Variants in MYO15A observed in about 807,000 individuals in gnomAD.
MYO15A encodes myosin XVA, also known as unconventional myosin-XV.
A neutral mutation model predicts 394.6 loss-of-function variants in MYO15A; 308 were observed. The observed-to-expected ratio is 0.78, with a 90% CI of 0.71 to 0.86. The LOEUF (loss-of-function observed/expected upper bound fraction) is 0.86, where lower values mean the gene tolerates loss of function less well. Among genes scored for constraint, MYO15A ranks in the 40% least tolerant of loss-of-function variants. MYO15A has a pLI of 0.00. For missense variants in MYO15A, 4,606 were observed against 4,799.1 expected (o/e 0.96, Z 1.19); for synonymous variants, 1,957 against 2,003.8 (o/e 0.98, Z 0.62).
At position 18,120,954 on chromosome 17, in the gene MYO15A, G is replaced by A. The variant is rs1455516797; in HGVS notation, c.2154G>A (p.Trp718Ter). The change falls in exon 2 of 66, where the codon TGG becomes TGA. Residue 718 changes from tryptophan to a stop codon, truncating the protein, a stop_gained. Coordinates refer to ENST00000647165, the MANE Select transcript of MYO15A (RefSeq NM_016239.4). LOFTEE classifies it high-confidence loss of function. ...TGCCACCGGCGCCGCAGGCCAGCTG[G>A]TGGGCCTTCGTGGAGCCCCCTGCCG... ...AHVPPAPQAS[W>*]WAFVEPPAVS... 6.7e-7 allele frequency: 1 copy of A among 1,482,720 alleles called. No individual in the cohort carries two copies. The allele number at this position is 1,482,720 out of a possible 1,614,324, so 91.8% of individuals were successfully genotyped here.
rs773780898 is a variant in MYO15A at position 18,119,979 on chromosome 17, C to T, written c.1179C>T (p.Tyr393=). The part of the protein sequence containing the change: ...GVYGGGDEAI[Y]PPEVPYFYPE... ...ATGGCGGTGGGGACGAGGCCATCTACCCCCCCGAGGTGCCCTATTTTTACC... is the reference window on the plus strand; with the variant it reads ...ATGGCGGTGGGGACGAGGCCATCTATCCCCCCGAGGTGCCCTATTTTTACC... Residue 393 remains tyrosine (Y), a synonymous_variant, in exon 2 of 66, where the codon TAC becomes TAT. Transcript: ENST00000647165. 3 of 1,613,566 alleles carry T rather than the reference C, an allele frequency of 1.9e-6. No homozygotes were observed. Among genetic ancestry groups the T allele is most frequent in the African/African-American group, 1.3e-5 (1 of 74,914 alleles).
intron 18 of MYO15A, 64 bp downstream of exon 18, chr17:18,139,000 G>C (rs1597789250): frequency 6.4e-7 from 1 of 1,573,466 alleles, no homozygotes; most frequent in East Asian, 2.3e-5. Context: ...TGGAGACACA[G>C]AAGCACAACA....
chr17:18,121,574 T>C lies in MYO15A; in HGVS notation c.2774T>C (p.Leu925Pro). The C allele has an allele frequency of 6.3e-7, 1 of 1,594,092 alleles. No homozygotes were observed. The highest frequency in any genetic ancestry group is 8.5e-7 in the Non-Finnish European group (1 of 1,170,512). ...GAGACGCCCTGGACTGTGCCCCCAC[T>C]GGCCCCCAGCTGGGACGTGGACATG... Reference protein sequence around the residue: ...DSETPWTVPPLAPSWDVDMPP... With the variant: ...DSETPWTVPPPAPSWDVDMPP... The change falls in exon 2 of 66, where the codon CTG (leucine) becomes CCG (proline). Residue 925 changes from leucine (L) to proline (P), a missense_variant. Physicochemically the swap from Leu to Pro is moderately conservative, Grantham distance 98. Transcript: ENST00000647165. The surrounding 1 kb of genome is among the most constrained non-coding windows in gnomAD (Gnocchi z 5.3).
At chr17:18,124,855 G>T (rs972038459) in intron 3 of MYO15A, 4 of 585,678 alleles carry the variant, frequency 6.8e-6, no homozygotes, top group Non-Finnish European at 9.1e-6. Flanking sequence ...TTGTGAGGAT[G>T]CCAGCACATT....
chr17:18,173,974 TG>T, intron 65 of MYO15A, 53 bp downstream of exon 65: 1 of 1,587,652 alleles, frequency 6.3e-7, no homozygotes, highest in Non-Finnish European at 8.6e-7. Flanking sequence ...TCTCTGGGCC[TG>T]GCTCCAAGAT....
At chr17:18,172,570 T>G (rs2046957495) in intron 64 of MYO15A, 2 of 498,402 alleles carry the variant, frequency 4.0e-6, no homozygotes. Flanking sequence ...GCTGCCATAA[T>G]AAAAGACCAC....
rs2046738365 is a variant in MYO15A at position 18,159,291 on chromosome 17, C to A, written c.9173C>A (p.Ser3058Tyr). ...LCFTKTPLQE[S>Y]LIELSDSSLS... ...CCCCCACAGACTCCCCTCCAGGAAT[C>A]CCTCATCGAACTCAGCGACAGCAGC... is the stretch of plus-strand genomic sequence containing the variant. The change falls in exon 54 of 66, where the codon TCC becomes TAC. Residue 3058 changes from serine to tyrosine, a missense_variant. Around this residue, in one of 2 missense-constraint regions of MYO15A, gnomAD observed 2,776 missense variants for 3,109.3 expected, o/e 0.89. Coordinates refer to ENST00000647165, the MANE Select transcript of MYO15A (RefSeq NM_016239.4). 2 of 1,614,080 alleles carry A rather than the reference C, an allele frequency of 1.2e-6. No individual in the cohort carries two copies. Among genetic ancestry groups the A allele is most frequent in the Non-Finnish European group, 1.7e-6 (2 of 1,180,034 alleles).
chr17:18,141,771 G>T lies in MYO15A; in HGVS notation c.5649+1G>T, dbSNP rs2046386900. The T allele has an allele frequency of 6.2e-7, 1 of 1,613,890 alleles. No homozygotes were observed. Among genetic ancestry groups the T allele is most frequent in the African/African-American group, 1.3e-5 (1 of 74,932 alleles). ...CATGTACCGTGTTGGGGTCAGCAAG[G>T]TGAGTCCTGCCCGACAGTCAGCCCT... On this transcript the variant is annotated splice_donor_variant, in intron 23 of 65. Coordinates refer to ENST00000647165, the MANE Select transcript of MYO15A (RefSeq NM_016239.4). LOFTEE classifies it high-confidence loss of function.
chr17:18,154,784 T>C, intron 45 of MYO15A, 29 bp downstream of exon 45: 1 of 1,608,374 alleles, frequency 6.2e-7, no homozygotes, highest in Non-Finnish European at 8.5e-7. Context: ...GGGGTACTGA[T>C]GGGGCAACCA....
intron 1 of MYO15A, among the ~76,000 whole-genome samples, chr17:18,114,932 T>G (rs989798190): frequency 6.6e-6 from 1 of 152,156 alleles, no homozygotes; most frequent in African/African-American, 2.4e-5. Flanking sequence ...GCCATCTAGA[T>G]GCCAATGACT....
At chr17:18,162,799 A>G (rs2046795784) in intron 58 of MYO15A, 120 bp downstream of exon 58, 11 of 1,028,960 alleles carry the variant, frequency 1.1e-5, no homozygotes, top group Non-Finnish European at 1.6e-5. Context: ...CAGGAGTTCG[A>G]GACCAGCCTG....
rs974605398 is a variant in MYO15A at position 18,132,647 on chromosome 17, T to C, written c.4320+81T>C. 2.7e-6 allele frequency: 3 copies of C among 1,119,290 alleles called. No individual in the cohort carries two copies. The highest frequency in any genetic ancestry group is 4.0e-6 in the Non-Finnish European group (3 of 747,334). 69.3% of individuals were successfully genotyped at this position (1,119,290 alleles called of 1,614,324 possible). On this transcript the variant is annotated intron_variant, in intron 11 of 65. Coordinates refer to ENST00000647165, the MANE Select transcript of MYO15A (RefSeq NM_016239.4). This position sits in a 1 kb window ranked among gnomAD's most constrained non-coding sequence, Gnocchi z 4.6. ...CCCTGGCTGGGCCTTGGGAGCCGAG[T>C]TGTGAGTGATGGAGTGTGAAGGTGA... is the stretch of plus-strand genomic sequence containing the variant.
In MYO15A at chr17:18,148,334, G is replaced by A; in HGVS notation, c.6691+124G>A. On this transcript the variant is annotated intron_variant, in intron 31 of 65. Transcript: ENST00000647165. This position sits in a 1 kb window ranked among gnomAD's most constrained non-coding sequence, Gnocchi z 4.8. Reference sequence around the variant, plus strand: ...GAGGGGCCTTCTCAGATGTGGCTCTGCGTGAAAGTCTGTGTGTGGGGGTGG... The same window carrying A: ...GAGGGGCCTTCTCAGATGTGGCTCTACGTGAAAGTCTGTGTGTGGGGGTGG... 1 of 1,483,328 alleles carries A rather than the reference G, an allele frequency of 6.7e-7. No individual in the cohort carries two copies. The allele number at this position is 1,483,328 out of a possible 1,614,324, so 91.9% of individuals were successfully genotyped here.
intron 28 of MYO15A, 40 bp from the exon 29 acceptor site, chr17:18,144,457 G>A: frequency 9.1e-7 from 1 of 1,101,744 alleles, no homozygotes; most frequent in Non-Finnish European, 1.3e-6. Context: ...GTGCCTGTCA[G>A]TCCAGCTCTG....
At position 18,120,313 on chromosome 17, in the gene MYO15A, C is replaced by A. The variant is rs764256601; in HGVS notation, c.1513C>A (p.Leu505Ile). ...CCTGCCACCCTCTCTGGACATTCCT[C>A]TCCCCTTGGGGGATGCGGACGAAGA... ...VPLPPSLDIPLPLGDADEEED... is the reference protein window; with the variant it reads ...VPLPPSLDIPIPLGDADEEED... Residue 505 changes from leucine to isoleucine, a missense_variant, in exon 2 of 66, where the codon CTC becomes ATC. Physicochemically the swap from Leu to Ile is conservative, Grantham distance 5 (BLOSUM62 2). Around this residue, in one of 2 missense-constraint regions of MYO15A, gnomAD observed 1,830 missense variants for 1,689.7 expected, o/e 1.08. Transcript: ENST00000647165. The A allele has an allele frequency of 6.2e-7, 1 of 1,612,326 alleles. No individual in the cohort carries two copies. Among genetic ancestry groups the A allele is most frequent in the Non-Finnish European group, 8.5e-7 (1 of 1,179,998 alleles).
At chr17:18,135,422 A>G (rs2046246349) in intron 12 of MYO15A, among the ~76,000 whole-genome samples, 1 of 151,190 alleles carries the variant, frequency 6.6e-6, no homozygotes, top group African/African-American at 2.4e-5. Context: ...GCTCGCCACA[A>G]CCTCCACCTC....
At chr17:18,169,037 C>A (rs1223888851) in intron 62 of MYO15A, among the ~76,000 whole-genome samples, 3 of 150,544 alleles carry the variant, frequency 2.0e-5, no homozygotes, top group African/African-American at 7.3e-5. Context: ...CACTTGAACC[C>A]TGGAGGTGGA....
intron 60 of MYO15A, among the ~76,000 whole-genome samples, chr17:18,165,830 A>C (rs2046845853): frequency 6.6e-6 from 1 of 152,204 alleles, no homozygotes; most frequent in Non-Finnish European, 1.5e-5. Flanking sequence ...ATGTCAGTGC[A>C]AGAGAGAAAG....
intron 1 of MYO15A, among the ~76,000 whole-genome samples, chr17:18,116,710 C>G (rs1368148709): frequency 6.6e-6 from 1 of 152,050 alleles, no homozygotes; most frequent in Non-Finnish European, 1.5e-5. Flanking sequence ...CACCTGAGAT[C>G]AGGAGTTTGA....
Sources: gnomAD v4.1 joint callset for allele counts (sites outside exome capture counted in the v4.1 genomes callset) on GRCh38, gnomAD v4.1.1 for gene constraint, gnomAD v4.1.1 regional missense constraint, Gnocchi (gnomAD v3.1) non-coding constraint, MANE v1.5 for transcripts, NCBI Gene and HGNC (gene_info 2026-07-23, HGNC 2026-07-21) for gene names.